TXLNG: variants seen among roughly 807,000 people sequenced by gnomAD.
The protein encoded by TXLNG is taxilin gamma.
A neutral mutation model predicts 38.8 loss-of-function variants in TXLNG; 5 were observed. The ratio of observed to expected loss-of-function variants is 0.13; its 90% CI spans 0.07 to 0.27. The LOEUF is 0.27. TXLNG is among the 10% of genes least tolerant of loss of function. The probability of loss-of-function intolerance (pLI) is 1.00; values close to 1 mark genes in which losing one functional copy is unlikely to be tolerated. For missense variants in TXLNG, 393 were observed against 398.2 expected, an observed-to-expected ratio of 0.99 and a Z score of 0.11; for synonymous variants, 182 against 158.2, an observed-to-expected ratio of 1.15 and a Z score of -1.13.
chrX:16,835,667 G>A (rs185662140), intron 7 of TXLNG, among the ~76,000 whole-genome samples: 407 of 112,036 alleles, frequency 3.6e-3, no homozygotes, highest in Non-Finnish European at 6.5e-3. Flanking sequence ...AGCTTCTGTT[G>A]TCTGTGATCT....
intron 1 of TXLNG, 36 bp downstream of exon 1, chrX:16,786,625 C>T (rs1432163713): frequency 2.5e-5 from 24 of 970,352 alleles, no homozygotes; most frequent in Non-Finnish European, 3.2e-5. Flanking sequence ...TTGTCGGGCC[C>T]GGGGGATGTT....
intron 5 of TXLNG, among the ~76,000 whole-genome samples, chrX:16,831,998 C>A (rs1446963378): frequency 8.9e-6 from 1 of 112,070 alleles, no homozygotes; most frequent in Non-Finnish European, 1.9e-5. Context: ...GAACTTTTAC[C>A]AAATGTCTAA....
chrX:16,786,856 G>A (rs1184774811), intron 1 of TXLNG, among the ~76,000 whole-genome samples: 1 of 110,615 alleles, frequency 9.0e-6, no homozygotes, highest in Non-Finnish European at 1.9e-5. Context: ...GGTTCTAAGG[G>A]AGAAGGGGTG....
At chrX:16,788,887 T>TGAACTCCTGGCCTCAGGTAAGCC (rs1361943928) in intron 1 of TXLNG, among the ~76,000 whole-genome samples, 6 of 111,147 alleles carry the variant, frequency 5.4e-5, no homozygotes, top group Non-Finnish European at 1.1e-4. Context: ...AGGCTGGTCT[T>TGAACTCCTGGCCTCAGGTAAGCC]GAACTCCTGG....
intron 9 of TXLNG, among the ~76,000 whole-genome samples, chrX:16,840,866 C>CT: frequency 9.0e-6 from 1 of 111,602 alleles, no homozygotes; most frequent in East Asian, 2.8e-4. Flanking sequence ...GTCTGCTACT[C>CT]TTTGTCATAT....
In TXLNG at chrX:16,819,055, G is replaced by C. The variant is rs964386312; in HGVS notation, c.406+178G>C. 9.1e-5 allele frequency among the ~76,000 whole-genome samples: 10 copies of C among 110,483 alleles called. No homozygotes were observed. In the Admixed American group the frequency reaches 9.7e-4, roughly 11 times the overall value. On this transcript the variant is annotated intron_variant, in intron 2 of 9. Transcript: ENST00000380122. ...TTATGTGCAGGAGGCGAAAACAGCA[G>C]AGAGGACGCTTAGTTTTTTTTTTTT...
intron 1 of TXLNG, among the ~76,000 whole-genome samples, chrX:16,799,495 G>A (rs1285383208): frequency 8.9e-6 from 1 of 111,832 alleles, no homozygotes; most frequent in Admixed American, 9.5e-5. Flanking sequence ...GCATTAGGCC[G>A]GGCATGGTGG....
chrX:16,824,297 G>A (rs933935864), intron 3 of TXLNG, among the ~76,000 whole-genome samples: 15 of 109,936 alleles, frequency 1.4e-4, no homozygotes, highest in Admixed American at 4.9e-4. Context: ...CAGTGAGTTC[G>A]TGCCACATGG....
intron 1 of TXLNG, among the ~76,000 whole-genome samples, chrX:16,788,436 CT>C (rs1294155764): frequency 9.0e-6 from 1 of 111,724 alleles, no homozygotes; most frequent in Non-Finnish European, 1.9e-5. Context: ...GCATCTTTTT[CT>C]TTTTGATTTC....
chrX:16,838,543 C>G (rs1929685323), intron 8 of TXLNG, among the ~76,000 whole-genome samples: 1 of 112,275 alleles, frequency 8.9e-6, no homozygotes, highest in Admixed American at 9.4e-5. Context: ...ACCTGCCCTT[C>G]ATGAAATAGA....
chrX:16,786,645 T>C, intron 1 of TXLNG, 56 bp downstream of exon 1: 3 of 832,396 alleles, frequency 3.6e-6, no homozygotes, highest in Non-Finnish European at 4.7e-6. Flanking sequence ...TTGGGCTCCC[T>C]TTTTCAGGGT....
At chrX:16,833,490 A>C (rs1929486476) in intron 6 of TXLNG, among the ~76,000 whole-genome samples, 1 of 112,100 alleles carries the variant, frequency 8.9e-6, no homozygotes, top group Non-Finnish European at 1.9e-5. Context: ...TCATGCGGGC[A>C]TGTCACACTG....
Position 16,795,484 on chromosome X carries a change from C to T in TXLNG, c.102+8895C>T, listed in dbSNP as rs769633572. On this transcript the variant is annotated intron_variant, in intron 1 of 9. Coordinates refer to ENST00000380122, the MANE Select transcript of TXLNG (RefSeq NM_018360.3). ...AAGCTGTGTCCAAAGTAGACCTTTC[C>T]CGGATCCTTTTACTCATTCTTGGTT... Among the ~76,000 whole-genome samples the T allele has an allele frequency of 6.3e-5, 7 of 111,844 alleles. No homozygotes were observed. In the South Asian group the frequency reaches 2.6e-3, roughly 42 times the overall value.
chrX:16,811,499 C>T (rs1928515294), intron 1 of TXLNG, among the ~76,000 whole-genome samples: 1 of 111,029 alleles, frequency 9.0e-6, no homozygotes, highest in Non-Finnish European at 1.9e-5. Flanking sequence ...AGGCATGCAC[C>T]ACCACGCCCA....
At chrX:16,790,642 T>TG (rs1411845545) in intron 1 of TXLNG, among the ~76,000 whole-genome samples, 2 of 112,142 alleles carry the variant, frequency 1.8e-5, no homozygotes, top group Non-Finnish European at 3.8e-5. Flanking sequence ...ATAAACCATG[T>TG]GGAAGGATAA....
chrX:16,829,524 G>T (rs1929298937), intron 4 of TXLNG, 52 bp from the exon 5 acceptor site: 1 of 1,109,616 alleles, frequency 9.0e-7, no homozygotes, highest in Non-Finnish European at 1.2e-6. Context: ...TCTCTTGTGA[G>T]CATCTTCTCT....
rs766963078 is a variant in TXLNG, at chrX:16,841,641, G to A, written c.1462G>A (p.Glu488Lys). 24 of 1,211,601 alleles carry A rather than the reference G, an allele frequency of 2.0e-5. No individual in the cohort carries two copies. Among genetic ancestry groups the A allele is most frequent in the Non-Finnish European group, 2.6e-5 (23 of 895,533 alleles). The change falls in exon 10 of 10, where the codon GAG (glutamate) becomes AAG (lysine). Residue 488 changes from glutamate (E) to lysine (K), a missense_variant. Coordinates refer to ENST00000380122, the MANE Select transcript of TXLNG (RefSeq NM_018360.3). ...CTGTACTGCCCTGGATTCTCACAAG[G>A]AGCTGAACACTTCCTCGAAAAGAGC... ...QPCTALDSHK[E>K]LNTSSKRALG...
intron 3 of TXLNG, among the ~76,000 whole-genome samples, chrX:16,825,823 A>T (rs982920215): frequency 1.8e-5 from 2 of 112,236 alleles, no homozygotes; most frequent in Non-Finnish European, 3.8e-5. Context: ...TGCAGTGCCT[A>T]AAATATTTAC....
chrX:16,830,829 CCGTGTGTGTG>C (rs1929369911), intron 5 of TXLNG, among the ~76,000 whole-genome samples: 1 of 29,116 alleles, frequency 3.4e-5, no homozygotes, highest in Non-Finnish European at 5.2e-5. Flanking sequence ...AACCGTAATT[CCGTGTGTGTG>C]TGTGTGTGTG....
Sources: gnomAD v4.1 joint callset for allele counts (sites outside exome capture counted in the v4.1 genomes callset) on GRCh38, gnomAD v4.1.1 for gene constraint, MANE v1.5 for transcripts, NCBI Gene and HGNC (gene_info 2026-07-23, HGNC 2026-07-21) for gene names.